SAMMSON: variants seen among roughly 807,000 people sequenced by gnomAD.
SAMMSON encodes survival associated mitochondrial melanoma specific oncogenic non-coding RNA, also known as long intergenic non-protein coding RNA 1212.
chr3:70,200,047 T>G (rs1271822433), intron 4 of SAMMSON, among the ~76,000 whole-genome samples: 2 of 152,154 alleles, frequency 1.3e-5, no homozygotes, highest in Non-Finnish European at 2.9e-5. Flanking sequence ...TCTTTGTCAT[T>G]TTGCTTTTCC....
chr3:70,012,954 A>G (rs895946797), intron 2 of SAMMSON, among the ~76,000 whole-genome samples: 5 of 152,178 alleles, frequency 3.3e-5, no homozygotes, highest in Non-Finnish European at 2.9e-5. Context: ...AGTAAAGAAG[A>G]TAACTGTGAT....
intron 9 of SAMMSON, among the ~76,000 whole-genome samples, chr3:70,385,807 T>C (rs1358631330): frequency 6.6e-6 from 1 of 152,174 alleles, no homozygotes; most frequent in Non-Finnish European, 1.5e-5. Flanking sequence ...AGATATGTCA[T>C]CTTAACTTTA....
intron 7 of SAMMSON, among the ~76,000 whole-genome samples, chr3:70,303,241 C>T (rs1039385028): frequency 2.0e-5 from 3 of 152,040 alleles, no homozygotes; most frequent in African/African-American, 4.8e-5. Flanking sequence ...TTCTGATGCT[C>T]GAACCCTGAA....
chr3:70,032,061 C>T (rs151260899), intron 3 of SAMMSON, among the ~76,000 whole-genome samples: 3 of 152,124 alleles, frequency 2.0e-5, no homozygotes, highest in Non-Finnish European at 2.9e-5. Context: ...TGCAAACTGG[C>T]ACACTCAATC....
chr3:70,428,853 C>G (rs1254434869), intron 2 of SAMMSON, among the ~76,000 whole-genome samples: 1 of 152,140 alleles, frequency 6.6e-6, no homozygotes, highest in Non-Finnish European at 1.5e-5. Context: ...GATTCATTCA[C>G]TCAGCAAATA....
At chr3:70,187,567 A>G (rs1413416131) in intron 4 of SAMMSON, among the ~76,000 whole-genome samples, 1 of 149,280 alleles carries the variant, frequency 6.7e-6, no homozygotes, top group Non-Finnish European at 1.5e-5. Flanking sequence ...CCTCCCGTGT[A>G]GCTGGGACTA....
chr3:70,412,623 A>G lies in SAMMSON; in HGVS notation n.234-49937A>G, dbSNP rs1701229347. Among the ~76,000 whole-genome samples the G allele has an allele frequency of 3.9e-5, 6 of 152,170 alleles. No individual in the cohort carries two copies. The South Asian group carries it at 1.0e-3, about 26-fold the overall frequency. ...CACAGATCAACAGCACATTCATGGT[A>G]TTTTAACACGATATTTCCTTTTCCT... On this transcript the variant is annotated intron_variant and non_coding_transcript_variant, in intron 2 of 3. Coordinates refer to the SAMMSON transcript ENST00000641053.
At chr3:70,392,479 G>C (rs1012556637), downstream of SAMMSON, among the ~76,000 whole-genome samples, 1 of 152,092 alleles carries the variant, frequency 6.6e-6, no homozygotes, top group African/African-American at 2.4e-5. Context: ...TCAGGACTTT[G>C]CAGCCTCGTA....
intron 6 of SAMMSON, among the ~76,000 whole-genome samples, chr3:70,273,106 C>T (rs138866676): frequency 0.021 from 3,196 of 152,234 alleles, 50 homozygotes; most frequent in Middle Eastern, 0.041. Context: ...GGAAAGGCTG[C>T]CGTTACAAGG....
rs572030651 is a variant in SAMMSON, at chr3:70,280,341, C to T, written n.675-10838C>T. On this transcript the variant is annotated intron_variant and non_coding_transcript_variant, in intron 6 of 9. Coordinates refer to ENST00000642114, the Ensembl canonical transcript of SAMMSON. The stretch of plus-strand genomic sequence containing the variant: ...GTCACATCTACGAAGACCCTTTTTC[C>T]TTAAGAGGTAATATGTACAGGTTCC... Among the ~76,000 whole-genome samples, 9 of 152,182 alleles carry T rather than the reference C, an allele frequency of 5.9e-5. No homozygotes were observed. The East Asian group carries it at 1.7e-3, about 29-fold the overall frequency.
chr3:70,139,507 C>A (rs1188373109), intron 4 of SAMMSON, among the ~76,000 whole-genome samples: 2 of 152,132 alleles, frequency 1.3e-5, no homozygotes, highest in African/African-American at 2.4e-5. Flanking sequence ...AATGGCTTTT[C>A]CCCACAGGCA....
intron 7 of SAMMSON, among the ~76,000 whole-genome samples, chr3:70,338,822 C>T (rs888304629): frequency 6.6e-6 from 1 of 152,172 alleles, no homozygotes; most frequent in Non-Finnish European, 1.5e-5. Flanking sequence ...AATGGCCATA[C>T]TGCCCAAGGT....
chr3:70,406,625 A>G (rs1701180371), intron 2 of SAMMSON, among the ~76,000 whole-genome samples: 1 of 152,228 alleles, frequency 6.6e-6, no homozygotes, highest in South Asian at 2.1e-4. Flanking sequence ...TATATTATAC[A>G]TGATGCAATA....
intron 1 of SAMMSON, among the ~76,000 whole-genome samples, chr3:70,003,550 T>C (rs2066914514): frequency 6.6e-6 from 1 of 151,884 alleles, no homozygotes; most frequent in Non-Finnish European, 1.5e-5. Flanking sequence ...ATTAGGACTT[T>C]TAACTTTATT....
rs187302329 is a variant in SAMMSON, at chr3:70,389,129, C to T, written n.914-445C>T. On this transcript the variant is annotated intron_variant and non_coding_transcript_variant, in intron 9 of 9. Coordinates refer to ENST00000642114, the Ensembl canonical transcript of SAMMSON. ...GTTTCTTCCATGAGTTGAAGCAGCA[C>T]GAGGTCCTCACCAGATGCAGCTGCC... is the stretch of plus-strand genomic sequence containing the variant. 8.5e-5 allele frequency among the ~76,000 whole-genome samples: 13 copies of T among 152,190 alleles called. No individual in the cohort carries two copies. The East Asian group carries it at 1.7e-3, about 20-fold the overall frequency.
chr3:70,255,997 A>G (rs966250850), intron 6 of SAMMSON, among the ~76,000 whole-genome samples: 5 of 152,204 alleles, frequency 3.3e-5, no homozygotes, highest in African/African-American at 9.7e-5. Context: ...TTCTTTCTCC[A>G]CTGGCATTGA....
At chr3:70,323,233 A>T (rs1702550608) in intron 7 of SAMMSON, among the ~76,000 whole-genome samples, 1 of 152,162 alleles carries the variant, frequency 6.6e-6, no homozygotes, top group Admixed American at 6.6e-5. Flanking sequence ...AGGAAAATAT[A>T]AAATTAATCC....
intron 3 of SAMMSON, chr3:70,014,279 G>A (rs1280566458): frequency 1.3e-5 from 2 of 152,148 alleles, no homozygotes; most frequent in Non-Finnish European, 2.9e-5. Flanking sequence ...GAGTAAGAAT[G>A]TCTGGACTCT....
chr3:70,408,989 C>T (rs1183364789), intron 2 of SAMMSON, among the ~76,000 whole-genome samples: 1 of 152,098 alleles, frequency 6.6e-6, no homozygotes, highest in Non-Finnish European at 1.5e-5. Context: ...GAGGAAGGTG[C>T]AAAAGCGGAA....
Sources: gnomAD v4.1 joint callset for allele counts (sites outside exome capture counted in the v4.1 genomes callset) on GRCh38, gnomAD v4.1.1 for gene constraint, MANE v1.5 for transcripts, NCBI Gene and HGNC (gene_info 2026-07-23, HGNC 2026-07-21) for gene names.